Variants in SNX1 observed in about 807,000 individuals in gnomAD.
SNX1 encodes the protein sorting nexin 1, also known as sorting nexin-1.
Under a neutral mutation model 71.8 loss-of-function variants are expected in SNX1, and 36 were observed. That is an observed-to-expected ratio of 0.50 (90% confidence interval 0.38 to 0.66). The LOEUF (loss-of-function observed/expected upper bound fraction) is 0.66, where lower values mean the gene tolerates loss of function less well. Ranked by LOEUF, SNX1 falls within the 30% of genes least tolerant of loss-of-function variation. SNX1 has a pLI of 0.00. For missense variants in SNX1, 612 were observed against 646.7 expected (o/e 0.95, Z 0.58); for synonymous variants, 254 against 240.7 (o/e 1.06, Z -0.51).
intron 1 of SNX1, among the ~76,000 whole-genome samples, chr15:64,109,544 C>T (rs2081057442): frequency 6.6e-6 from 1 of 151,848 alleles, no homozygotes; most frequent in Non-Finnish European, 1.5e-5. Flanking sequence ...GAGTCTCGTT[C>T]TGTTGTCCAG....
chr15:64,096,352 C>T (rs967104463), intron 1 of SNX1, among the ~76,000 whole-genome samples, 180 bp downstream of exon 1: 36 of 152,204 alleles, frequency 2.4e-4, no homozygotes, highest in African/African-American at 8.7e-4. Flanking sequence ...TCCCGGCCCC[C>T]AGGCGGGAAG....
chr15:64,096,049 G>T lies in SNX1; in HGVS notation c.36G>T (p.Glu12Asp). 6.3e-7 allele frequency: 1 copy of T among 1,593,078 alleles called. No individual in the cohort carries two copies. Among genetic ancestry groups the T allele is most frequent in the South Asian group, 1.1e-5 (1 of 88,426 alleles). Reference protein sequence around the residue: ...ASGGGGCSASERLPPPFPGLE... With the variant: ...ASGGGGCSASDRLPPPFPGLE... ...GTGGTGGTGGCTGTAGCGCTTCGGA[G>T]AGACTGCCTCCGCCCTTCCCCGGCC... The change falls in exon 1 of 15, where the codon GAG (glutamate) becomes GAT (aspartate). Residue 12 changes from glutamate (E) to aspartate (D), a missense_variant. Glu to Asp is a conservative substitution (Grantham distance 45). This residue lies in a region of SNX1 where 316 missense variants were observed against 284.9 expected (regional missense o/e 1.11). Coordinates refer to ENST00000559844, the MANE Select transcript of SNX1 (RefSeq NM_003099.5).
intron 1 of SNX1, among the ~76,000 whole-genome samples, chr15:64,099,183 C>T (rs1329537846): frequency 1.3e-5 from 2 of 152,146 alleles, no homozygotes; most frequent in African/African-American, 2.4e-5. Context: ...AATCTAGGCT[C>T]TATGGCTGGC....
rs2081365316 is a variant in SNX1 at position 64,136,921 on chromosome 15, T to C, written c.1507T>C (p.Ser503Pro). ...VIKYLETLLY[S>P]QQQLAKYWEA... is the part of the protein sequence containing the mutation. ...CAAGTACCTTGAGACACTCCTTTACTCACAGCAGCAGGTATGTAAGTTGTG... is the reference window on the plus strand; with the variant it reads ...CAAGTACCTTGAGACACTCCTTTACCCACAGCAGCAGGTATGTAAGTTGTG... Residue 503 changes from serine to proline, a missense_variant, in exon 14 of 15, where the codon TCA becomes CCA. Physicochemically the swap from Ser to Pro is moderately conservative, Grantham distance 74. Around this residue, in one of 2 missense-constraint regions of SNX1, gnomAD observed 296 missense variants for 361.9 expected, o/e 0.82. Coordinates refer to ENST00000559844, the MANE Select transcript of SNX1 (RefSeq NM_003099.5). The C allele has an allele frequency of 6.2e-7, 1 of 1,613,720 alleles. No individual in the cohort carries two copies. The highest frequency in any genetic ancestry group is 1.1e-5 in the South Asian group (1 of 91,078).
At chr15:64,136,800 C>A in intron 13 of SNX1, 61 bp from the exon 14 acceptor site, 1 of 1,270,442 alleles carries the variant, frequency 7.9e-7, no homozygotes, top group East Asian at 2.3e-5. Context: ...CAATAAACAC[C>A]ACCATCCCAT....
At chr15:64,120,622 C>T (rs563873516) in intron 4 of SNX1, among the ~76,000 whole-genome samples, 7 of 152,034 alleles carry the variant, frequency 4.6e-5, no homozygotes, top group Admixed American at 3.3e-4. Context: ...GACCAGCCTG[C>T]CCAACATGGC....
rs1410337653 is a variant in SNX1, at chr15:64,138,990, T to G, written c.*1372T>G. ...AAGAAAACGCAGTAAACATTCTGATTCCCTGTACACAGATGCAGCACCAGG... is the reference window on the plus strand; with the variant it reads ...AAGAAAACGCAGTAAACATTCTGATGCCCTGTACACAGATGCAGCACCAGG... On this transcript the variant is annotated 3_prime_UTR_variant, in exon 15 of 15. Coordinates refer to ENST00000559844, the MANE Select transcript of SNX1 (RefSeq NM_003099.5). 6.6e-6 allele frequency: 1 copy of G among 152,146 alleles called. No individual in the cohort carries two copies. The highest frequency in any genetic ancestry group is 1.9e-4 in the East Asian group (1 of 5,190). The allele number at this position is 152,146 out of a possible 1,614,324, so 9.4% of individuals were successfully genotyped here. A position where few individuals can be genotyped will look rare whatever the true frequency, so the allele number is the denominator to read the frequency against.
At chr15:64,101,098 GGCCC>G (rs1476995960) in intron 1 of SNX1, among the ~76,000 whole-genome samples, 1 of 152,144 alleles carries the variant, frequency 6.6e-6, no homozygotes, top group Non-Finnish European at 1.5e-5. Context: ...CACCACGCTT[GGCCC>G]AAAAACAATC....
Position 64,118,165 on chromosome 15 carries a change from A to G in SNX1, c.320A>G (p.Lys107Arg), listed in dbSNP as rs1381918495. The G allele has an allele frequency of 8.1e-6, 13 of 1,612,338 alleles. No homozygotes were observed. The highest frequency in any genetic ancestry group is 1.0e-5 in the Non-Finnish European group (12 of 1,179,572). Reference protein sequence around the residue: ...SLDSTQNNQKKVLAKTLISLP... With the variant: ...SLDSTQNNQKRVLAKTLISLP... The stretch of plus-strand genomic sequence containing the variant: ...GACAGCACACAAAATAATCAGAAGA[A>G]GGTGCTAGCCAAAACACTCATTTCT... Residue 107 changes from lysine to arginine, a missense_variant, in exon 3 of 15, where the codon AAG (lysine) becomes AGG (arginine). Lys to Arg is a conservative substitution (Grantham distance 26). Around this residue, in one of 2 missense-constraint regions of SNX1, gnomAD observed 316 missense variants for 284.9 expected, o/e 1.11. Transcript: ENST00000559844.
At chr15:64,097,175 G>C (rs1344509217) in intron 1 of SNX1, among the ~76,000 whole-genome samples, 1 of 152,186 alleles carries the variant, frequency 6.6e-6, no homozygotes, top group Non-Finnish European at 1.5e-5. Flanking sequence ...GCAGATGAAC[G>C]GATGGTCCCT....
chr15:64,101,498 T>A (rs2080961248), intron 1 of SNX1, among the ~76,000 whole-genome samples: 1 of 152,252 alleles, frequency 6.6e-6, no homozygotes, highest in Non-Finnish European at 1.5e-5. Context: ...CACATTTTAT[T>A]TATCTGCCAG....
chr15:64,109,307 G>T (rs897094881), intron 1 of SNX1, among the ~76,000 whole-genome samples: 4 of 151,960 alleles, frequency 2.6e-5, no homozygotes, highest in Non-Finnish European at 4.4e-5. Flanking sequence ...GGGTAACAGA[G>T]GTTGCAGTGA....
Position 64,112,560 on chromosome 15 carries a change from T to C in SNX1, c.160-13T>C. On this transcript the variant is annotated splice_polypyrimidine_tract_variant and intron_variant, in intron 1 of 14. Transcript: ENST00000559844. ...ATGGTAATGTTTTATTCAGAGTATC[T>C]CTTTGTTTTCAGAGTAAACATCAGT... The C allele has an allele frequency of 1.3e-6, 2 of 1,555,094 alleles. No individual in the cohort carries two copies. The highest frequency in any genetic ancestry group is 2.3e-5 in the South Asian group (2 of 87,128).
intron 1 of SNX1, among the ~76,000 whole-genome samples, chr15:64,099,738 TCTCA>T (rs2080938670): frequency 1.3e-5 from 2 of 152,200 alleles, no homozygotes; most frequent in South Asian, 4.1e-4. Context: ...TGAGACATAG[TCTCA>T]CTCTTTTTGT....
chr15:64,131,864 A>C lies in SNX1; in HGVS notation c.1193A>C (p.Asp398Ala). 2.5e-6 allele frequency: 4 copies of C among 1,614,204 alleles called. No homozygotes were observed. Among genetic ancestry groups the C allele is most frequent in the Non-Finnish European group, 3.4e-6 (4 of 1,180,036 alleles). The change falls in exon 11 of 15, where the codon GAC (aspartate) becomes GCC (alanine). Residue 398 changes from aspartate to alanine, a missense_variant. Transcript: ENST00000559844. ...DFFLLAELLS[D>A]YIRLLAIVRA... Reference sequence around the variant, plus strand: ...TTCCTCCTTGCTGAGCTCCTGAGTGACTACATTCGCCTCCTGGCCATAGTC... The same window carrying C: ...TTCCTCCTTGCTGAGCTCCTGAGTGCCTACATTCGCCTCCTGGCCATAGTC...
intron 1 of SNX1, among the ~76,000 whole-genome samples, chr15:64,101,750 A>T (rs139471315): frequency 6.6e-6 from 1 of 152,326 alleles, no homozygotes; most frequent in East Asian, 1.9e-4. Flanking sequence ...TTTAATTTTG[A>T]ATCCTAACCA....
chr15:64,103,293 T>C (rs922525645), intron 1 of SNX1, among the ~76,000 whole-genome samples: 1 of 152,224 alleles, frequency 6.6e-6, no homozygotes, highest in Non-Finnish European at 1.5e-5. Context: ...TTTTCCATAA[T>C]GGCTGTGCTA....
At chr15:64,124,439 G>A (rs1431707686) in intron 5 of SNX1, among the ~76,000 whole-genome samples, 4 of 149,952 alleles carry the variant, frequency 2.7e-5, no homozygotes, top group African/African-American at 5.0e-5. Flanking sequence ...CCCGGGAGGC[G>A]GAGCTTGCAG....
Position 64,143,982 on chromosome 15 carries a change from A to G in SNX1, c.*6364A>G, listed in dbSNP as rs1331970638. On this transcript the variant is annotated 3_prime_UTR_variant, in exon 15 of 15. Coordinates refer to ENST00000559844, the MANE Select transcript of SNX1 (RefSeq NM_003099.5). ...GCCATTGAAGATGATATATAGCTAT[A>G]TTCATTGACAAGGAAAACTCATATT... 7 of 152,238 alleles carry G rather than the reference A, an allele frequency of 4.6e-5. No individual in the cohort carries two copies. The highest frequency in any genetic ancestry group is 7.3e-5 in the Non-Finnish European group (5 of 68,038). The allele number at this position is 152,238 out of a possible 1,614,324, so 9.4% of individuals were successfully genotyped here. A position where few individuals can be genotyped will look rare whatever the true frequency, so the allele number is the denominator to read the frequency against.
Sources: allele counts gnomAD v4.1 joint callset (sites outside exome capture counted in the v4.1 genomes callset), GRCh38; gene constraint gnomAD v4.1.1; regional missense constraint gnomAD v4.1.1; transcripts MANE v1.5; gene names NCBI Gene and HGNC (gene_info 2026-07-23, HGNC 2026-07-21).